Variants in PM20D2 observed in about 807,000 individuals in gnomAD.
PM20D2 encodes the protein xaa-Arg dipeptidase.
A neutral mutation model predicts 42.9 loss-of-function variants in PM20D2; 33 were observed. The observed-to-expected ratio is 0.77, with a 90% CI of 0.58 to 1.03. PM20D2 has a LOEUF of 1.03. Ranked by LOEUF, PM20D2 falls within the 50% of genes least tolerant of loss-of-function variation. PM20D2 has a pLI of 0.00. For missense variants in PM20D2, 548 were observed against 557.0 expected (o/e 0.98, Z 0.16); for synonymous variants, 250 against 228.2 (o/e 1.10, Z -0.86).
chr6:89,154,140 AT>A (rs1419120551), intron 3 of PM20D2, among the ~76,000 whole-genome samples: 2 of 152,268 alleles, frequency 1.3e-5, no homozygotes, highest in Admixed American at 1.3e-4. Flanking sequence ...GTGTAGAAAT[AT>A]TTTTTTAAAG....
chr6:89,150,497 G>GTA (rs1484351012), intron 2 of PM20D2, among the ~76,000 whole-genome samples: 5 of 136,980 alleles, frequency 3.7e-5, no homozygotes, highest in Middle Eastern at 9.1e-3. Flanking sequence ...CCTTCTCCTA[G>GTA]TATCTGCCTT....
intron 2 of PM20D2, among the ~76,000 whole-genome samples, chr6:89,150,689 G>A (rs1364473928): frequency 1.3e-5 from 2 of 151,340 alleles, no homozygotes; most frequent in East Asian, 2.0e-4. Flanking sequence ...ACAGGCGTGC[G>A]CCACCACGCC....
At chr6:89,094,968 TA>T in the PM20D2 span, among the ~76,000 whole-genome samples, 3 of 152,134 alleles carry the variant, frequency 2.0e-5, no homozygotes, top group African/African-American at 7.2e-5. Context: ...CATTGGTCCT[TA>T]AACCCTTGGG....
chr6:89,153,219 T>C, intron 3 of PM20D2, 34 bp downstream of exon 3: 1 of 1,518,948 alleles, frequency 6.6e-7, no homozygotes, highest in Non-Finnish European at 8.8e-7. Flanking sequence ...TAATAGATGG[T>C]GCTTGCTATA....
At chr6:89,098,395 G>T in the PM20D2 span, 1 of 637,400 alleles carries the variant, frequency 1.6e-6, no homozygotes, top group Non-Finnish European at 2.5e-6. Context: ...AATTTGTAGT[G>T]TGGGCCCTTT....
chr6:89,143,882 G>A (rs186577593), upstream of PM20D2, among the ~76,000 whole-genome samples: 1,064 of 152,248 alleles, frequency 7.0e-3, 13 homozygotes, highest in African/African-American at 0.024. Context: ...TCGTTTAATG[G>A]TTAATTGCTG....
chr6:89,140,584 C>T, the PM20D2 span, among the ~76,000 whole-genome samples: 1 of 152,210 alleles, frequency 6.6e-6, no homozygotes, highest in Non-Finnish European at 1.5e-5. Context: ...AGTTCTCCAC[C>T]CATTTTCCTA....
the PM20D2 span, among the ~76,000 whole-genome samples, chr6:89,138,969 A>T: frequency 6.6e-6 from 1 of 152,250 alleles, no homozygotes; most frequent in Non-Finnish European, 1.5e-5. Context: ...AAAGAAAGGT[A>T]GTTTTAGTGA....
rs1350752876 is a variant in PM20D2 at position 89,146,310 on chromosome 6, C to T, written c.166C>T (p.His56Tyr). The change falls in exon 1 of 7, where the codon CAC (histidine) becomes TAC (tyrosine). Residue 56 changes from histidine to tyrosine, a missense_variant. His to Tyr is a moderately conservative substitution (Grantham distance 83). Around this residue, in one of 3 missense-constraint regions of PM20D2, gnomAD observed 470 missense variants for 464.4 expected, o/e 1.01. Transcript: ENST00000275072. ...CCAGCCCGAGCTGGCCTACGAGGAG[C>T]ACCATGCCCACCGCGTGCTGACGCA... ...WSQPELAYEEHHAHRVLTHFF... is the reference protein window; with the variant it reads ...WSQPELAYEEYHAHRVLTHFF... The T allele has an allele frequency of 2.5e-6, 4 of 1,579,664 alleles. No individual in the cohort carries two copies. Among genetic ancestry groups the T allele is most frequent in the Non-Finnish European group, 3.4e-6 (4 of 1,171,244 alleles).
Position 89,146,112 on chromosome 6 carries a change from G to GT in PM20D2, c.-33_-32insT, listed in dbSNP as rs1554186124. 2 of 1,396,918 alleles carry GT rather than the reference G, an allele frequency of 1.4e-6. No homozygotes were observed. The highest frequency in any genetic ancestry group is 1.9e-6 in the Non-Finnish European group (2 of 1,080,210). The allele number at this position is 1,396,918 out of a possible 1,614,324, so 86.5% of individuals were successfully genotyped here. A position where few individuals can be genotyped will look rare whatever the true frequency, so the allele number is the denominator to read the frequency against. On this transcript the variant is annotated 5_prime_UTR_variant, in exon 1 of 7. Coordinates refer to ENST00000275072, the MANE Select transcript of PM20D2 (RefSeq NM_001010853.3). ...GCTACCTGCGGCCGAGCCAGGGAGC[G>GT]AGAGGGCGCAGAGGGCAGCGGGCTT...
the PM20D2 span, among the ~76,000 whole-genome samples, chr6:89,099,539 T>TA: frequency 0.3 from 7,836 of 25,846 alleles, 747 homozygotes; most frequent in African/African-American, 0.44. Context: ...CACATACATG[T>TA]TTTTTTTTTT....
In PM20D2 at chr6:89,146,615, GT is replaced by G. The variant is rs1210180177; in HGVS notation, c.465+7del. On this transcript the variant is annotated splice_region_variant and intron_variant, in intron 1 of 6. Transcript: ENST00000275072. ...GGCCGCCTCCGCCCGTGAAGGTGAG[GT>G]GGGGCCCGGGTGCGGGACCCTATCC... The G allele has an allele frequency of 1.4e-6, 2 of 1,421,120 alleles. No homozygotes were observed. Among genetic ancestry groups the G allele is most frequent in the East Asian group, 2.9e-5 (1 of 34,720 alleles). 88.0% of individuals were successfully genotyped at this position (1,421,120 alleles called of 1,614,324 possible).
rs1398518171 is a variant in PM20D2 at position 89,153,192 on chromosome 6, A to C, written c.757+7A>C. 2.5e-6 allele frequency: 4 copies of C among 1,582,226 alleles called. No individual in the cohort carries two copies. The African/African-American group carries it at 5.4e-5, about 21-fold the overall frequency. ...CCAACCTGGAGAGTTCATGGTATGA[A>C]TGTCAAATACCTTCTATAATAGATG... On this transcript the variant is annotated splice_region_variant and intron_variant, in intron 3 of 6. Coordinates refer to ENST00000275072, the MANE Select transcript of PM20D2 (RefSeq NM_001010853.3).
upstream of PM20D2, among the ~76,000 whole-genome samples, chr6:89,142,053 C>A (rs1174391565): frequency 6.7e-6 from 1 of 148,296 alleles, no homozygotes; most frequent in Non-Finnish European, 1.5e-5. Flanking sequence ...AACCCCTGGG[C>A]TCAAGCTATC....
At chr6:89,149,219 T>C (rs1233354583) in intron 1 of PM20D2, 46 bp from the exon 2 acceptor site, 14 of 1,594,970 alleles carry the variant, frequency 8.8e-6, no homozygotes. Context: ...GATATATTCC[T>C]ATGAGGATTT....
At chr6:89,141,217 C>T (rs925856093), upstream of PM20D2, among the ~76,000 whole-genome samples, 1 of 152,092 alleles carries the variant, frequency 6.6e-6, no homozygotes, top group Non-Finnish European at 1.5e-5. Context: ...GCTGTTAACC[C>T]GAGAAACTTC....
At chr6:89,132,262 T>C in the PM20D2 span, among the ~76,000 whole-genome samples, 1 of 152,238 alleles carries the variant, frequency 6.6e-6, no homozygotes, top group Non-Finnish European at 1.5e-5. Context: ...AGCTTCCTCA[T>C]TGTCCTTCAG....
chr6:89,113,666 T>TGA, the PM20D2 span, among the ~76,000 whole-genome samples: 1 of 152,118 alleles, frequency 6.6e-6, no homozygotes, highest in African/African-American at 2.4e-5. Context: ...TATTTATTTT[T>TGA]GAGACAGAGT....
At position 89,147,855 on chromosome 6, in the gene PM20D2, T is replaced by TG. The variant is rs1486153160; in HGVS notation, c.465+1247dup. On this transcript the variant is annotated intron_variant, in intron 1 of 6. Transcript: ENST00000275072. Reference sequence around the variant, plus strand: ...TTGCAGTGAGCCGACATCGCGCCACTGCACTCCATCCTGGGCAACAGAGCG... The same window carrying TG: ...TTGCAGTGAGCCGACATCGCGCCACTGGCACTCCATCCTGGGCAACAGAGCG... Among the ~76,000 whole-genome samples, 3 of 149,618 alleles carry TG rather than the reference T, an allele frequency of 2.0e-5. No individual in the cohort carries two copies. The East Asian group carries it at 6.1e-4, about 30-fold the overall frequency.
Sources: gnomAD v4.1 joint callset for allele counts (sites outside exome capture counted in the v4.1 genomes callset) on GRCh38, gnomAD v4.1.1 for gene constraint, gnomAD v4.1.1 regional missense constraint, MANE v1.5 for transcripts, NCBI Gene and HGNC (gene_info 2026-07-23, HGNC 2026-07-21) for gene names.